The following ERBB2 variants were observed in gnomAD, a reference collection of about 807,000 sequenced individuals.
The protein encoded by ERBB2 is receptor tyrosine-protein kinase erbB-2.
Under a neutral mutation model 149.0 loss-of-function variants are expected in ERBB2, and 61 were observed. The ratio of observed to expected loss-of-function variants is 0.41; its 90% CI spans 0.33 to 0.51. ERBB2 has a LOEUF of 0.51. ERBB2 is among the 20% of genes least tolerant of loss of function. ERBB2 has a pLI of 0.25. For synonymous variants in ERBB2, 633 were observed against 678.8 expected (o/e 0.93, Z 1.05); for missense variants, 1,205 against 1,655.1 (o/e 0.73, Z 4.72).
In ERBB2 at chr17:39,709,341, A is replaced by T. The variant is rs2145471082; in HGVS notation, c.463A>T (p.Ile155Phe). ...LTEILKGGVL[I>F]QRNPQLCYQD... ...AGAGATCTTGAAAGGAGGGGTCTTG[A>T]TCCAGCGGAACCCCCAGCTCTGCTA... The change falls in exon 4 of 27, where the codon ATC (isoleucine) becomes TTC (phenylalanine). Residue 155 changes from isoleucine (I) to phenylalanine (F), a missense_variant. By Grantham distance (21) the Ile-to-Phe change is conservative (BLOSUM62 0). Around this residue, in one of 6 missense-constraint regions of ERBB2, gnomAD observed 569 missense variants for 803.5 expected, o/e 0.71. Transcript: ENST00000269571. 1 of 1,613,974 alleles carries T rather than the reference A, an allele frequency of 6.2e-7. No individual in the cohort carries two copies. Among genetic ancestry groups the T allele is most frequent in the Non-Finnish European group, 8.5e-7 (1 of 1,179,988 alleles).
At chr17:39,694,256 T>TATATATATGTGTATATATATATATATAC (rs2057795919), upstream of ERBB2, among the ~76,000 whole-genome samples, 1 of 21,412 alleles carries the variant, frequency 4.7e-5, no homozygotes, top group African/African-American at 1.2e-4. Flanking sequence ...TATATATATA[T>TATATATATGTGTATATATATATATATAC]ATATATATAT....
Position 39,726,586 on chromosome 17 carries a change from G to A in ERBB2, c.2897G>A (p.Arg966Gln), listed in dbSNP as rs755874371. ...GGTTGGATGATTGACTCTGAATGTC[G>A]GCCAAGATTCCGGGAGTTGGTGTCT... ...VKCWMIDSEC[R>Q]PRFRELVSEF... Residue 966 changes from arginine (R) to glutamine (Q), a missense_variant, in exon 24 of 27, where the codon CGG becomes CAG. By Grantham distance (43) the Arg-to-Gln change is conservative. Around this residue, in one of 6 missense-constraint regions of ERBB2, gnomAD observed 63 missense variants for 74.2 expected, o/e 0.85. Coordinates refer to ENST00000269571, the MANE Select transcript of ERBB2 (RefSeq NM_004448.4). The surrounding 1 kb of genome is among the most constrained non-coding windows in gnomAD (Gnocchi z 5.1). 3 of 1,614,126 alleles carry A rather than the reference G, an allele frequency of 1.9e-6. No individual in the cohort carries two copies. Among genetic ancestry groups the A allele is most frequent in the South Asian group, 1.1e-5 (1 of 91,078 alleles).
chr17:39,710,168 C>T lies in ERBB2; in HGVS notation c.726C>T (p.Ala242=), dbSNP rs1417153302. Residue 242 remains alanine, a synonymous_variant, in exon 6 of 27, where the codon GCC becomes GCT. Coordinates refer to ENST00000269571, the MANE Select transcript of ERBB2 (RefSeq NM_004448.4). ...PTDCCHEQCA[A]GCTGPKHSDC... is the part of the protein sequence containing the mutation. Reference sequence around the variant, plus strand: ...ACTGCTGCCATGAGCAGTGTGCTGCCGGCTGCACGGGCCCCAAGCACTCTG... The same window carrying T: ...ACTGCTGCCATGAGCAGTGTGCTGCTGGCTGCACGGGCCCCAAGCACTCTG... 13 of 1,612,744 alleles carry T rather than the reference C, an allele frequency of 8.1e-6. No individual in the cohort carries two copies. Among genetic ancestry groups the T allele is most frequent in the African/African-American group, 1.3e-5 (1 of 75,048 alleles).
rs71149796 is a variant in ERBB2, at chr17:39,724,272, A to ATTTTTTTTTTTTTTTTTT, written c.2307+278_2307+279insTTTTTTTTTTTTTTTTTT. ...TAGCTGGGATTACAAGCGCCCGCTA[A>ATTTTTTTTTTTTTTTTTT]TTTTTTTTTTTTTTTTGAGACAGAG... On this transcript the variant is annotated intron_variant, in intron 19 of 26. Coordinates refer to ENST00000269571, the MANE Select transcript of ERBB2 (RefSeq NM_004448.4). 3.1e-3 allele frequency among the ~76,000 whole-genome samples: 241 copies of ATTTTTTTTTTTTTTTTTT among 76,978 alleles called. 50 individuals are homozygous for ATTTTTTTTTTTTTTTTTT. Among genetic ancestry groups the ATTTTTTTTTTTTTTTTTT allele is most frequent in the African/African-American group, 8.6e-3 (188 of 21,932 alleles). The allele number at this position is 76,978 out of a possible 152,430, so 50.5% of individuals were successfully genotyped here.
At chr17:39,708,216 T>A in intron 2 of ERBB2, 105 bp from the exon 3 acceptor site, 2 of 767,650 alleles carry the variant, frequency 2.6e-6, no homozygotes, top group Non-Finnish European at 4.3e-6. Flanking sequence ...GACTGCTCAG[T>A]GGCTGGGGGC....
intron 16 of ERBB2, among the ~76,000 whole-genome samples, chr17:39,721,040 C>A (rs898055591): frequency 5.3e-5 from 8 of 152,140 alleles, no homozygotes; most frequent in Admixed American, 2.6e-4. Context: ...CTCACTGCAG[C>A]CTTGACCTCC....
intron 1 of ERBB2, among the ~76,000 whole-genome samples, chr17:39,705,387 T>A (rs2058366328): frequency 6.6e-6 from 1 of 152,278 alleles, no homozygotes; most frequent in South Asian, 2.1e-4. Context: ...GGGGAGGTCC[T>A]GGCAGCAGGG....
intron 19 of ERBB2, 150 bp downstream of exon 19, chr17:39,724,160 C>T (rs2059602826): frequency 3.3e-6 from 2 of 607,578 alleles, no homozygotes; most frequent in East Asian, 2.9e-5. Context: ...GCTCTGTCAC[C>T]CAGGCTGGAG....
rs2145799117 is a variant in ERBB2, at chr17:39,723,270, T to C, written c.1947-49T>C. 8.4e-7 allele frequency: 1 copy of C among 1,196,546 alleles called. No homozygotes were observed. The highest frequency in any genetic ancestry group is 1.2e-6 in the Non-Finnish European group (1 of 847,124). The allele number at this position is 1,196,546 out of a possible 1,614,324, so 74.1% of individuals were successfully genotyped here. A position where few individuals can be genotyped will look rare whatever the true frequency, so the allele number is the denominator to read the frequency against. On this transcript the variant is annotated intron_variant, in intron 16 of 26. Transcript: ENST00000269571. The surrounding 1 kb of genome is among the most constrained non-coding windows in gnomAD (Gnocchi z 6.2). The stretch of plus-strand genomic sequence containing the variant: ...GTCCCCCGTGGGCCCCCTTTGTCCC[T>C]CCCACCCCAAACTAGCCCTCAATCC...
At chr17:39,716,698 C>A in intron 14 of ERBB2, 93 bp downstream of exon 14, 1 of 1,127,608 alleles carries the variant, frequency 8.9e-7, no homozygotes, top group South Asian at 1.3e-5. Context: ...GTAGGGTGTG[C>A]TATCTGGTAA....
intron 2 of ERBB2, among the ~76,000 whole-genome samples, chr17:39,689,470 G>GT (rs948183886): frequency 2.1e-4 from 31 of 150,768 alleles, no homozygotes; most frequent in Non-Finnish European, 2.8e-4. Context: ...TTACAATACT[G>GT]TTTTTTTTTC....
At chr17:39,717,540 G>A (rs1384153649) in intron 15 of ERBB2, 60 bp downstream of exon 15, 1 of 1,449,336 alleles carries the variant, frequency 6.9e-7, no homozygotes, top group Non-Finnish European at 9.4e-7. Context: ...TCTTTCTGGG[G>A]CTCTTACTAT....
rs1357761791 is a variant in ERBB2, at chr17:39,707,105, C to G, written c.189C>G (p.Thr63=). ...CQVVQGNLEL[T]YLPTNASLSF... ...TGGTGCAGGGAAACCTGGAACTCAC[C>G]TACCTGCCCACCAATGCCAGCCTGT... Residue 63 remains threonine, a synonymous_variant, in exon 2 of 27, where the codon ACC becomes ACG. Coordinates refer to ENST00000269571, the MANE Select transcript of ERBB2 (RefSeq NM_004448.4). The G allele has an allele frequency of 1.9e-6, 3 of 1,601,704 alleles. No homozygotes were observed. The highest frequency in any genetic ancestry group is 1.7e-6 in the Non-Finnish European group (2 of 1,174,144).
rs2059820350 is a variant in ERBB2 at position 39,727,223 on chromosome 17, T to C, written c.3160-72T>C. Reference sequence around the variant, plus strand: ...GACCTCTGTTTTTCTCCTGTGACCCTGTCACCTTCCATGGAGTCCCCATCC... The same window carrying C: ...GACCTCTGTTTTTCTCCTGTGACCCCGTCACCTTCCATGGAGTCCCCATCC... On this transcript the variant is annotated intron_variant, in intron 25 of 26. Transcript: ENST00000269571. The surrounding 1 kb of genome is among the most constrained non-coding windows in gnomAD (Gnocchi z 4.3). 2 of 1,559,276 alleles carry C rather than the reference T, an allele frequency of 1.3e-6. No individual in the cohort carries two copies. Among genetic ancestry groups the C allele is most frequent in the Admixed American group, 3.8e-5 (2 of 52,402 alleles).
Position 39,716,319 on chromosome 17 carries a change from G to T in ERBB2, c.1532G>T (p.Cys511Phe). 1 of 1,598,538 alleles carries T rather than the reference G, an allele frequency of 6.3e-7. No individual in the cohort carries two copies. Among genetic ancestry groups the T allele is most frequent in the Non-Finnish European group, 8.5e-7 (1 of 1,174,140 alleles). ...EDECVGEGLACHQLCARGHCW... is the reference protein window; with the variant it reads ...EDECVGEGLAFHQLCARGHCW... ...ACTGCAGTGGGCGAGGGCCTGGCCTGCCACCAGCTGTGCGCCCGAGGGCAC... is the reference window on the plus strand; with the variant it reads ...ACTGCAGTGGGCGAGGGCCTGGCCTTCCACCAGCTGTGCGCCCGAGGGCAC... The change falls in exon 13 of 27, where the codon TGC becomes TTC. Residue 511 changes from cysteine (C) to phenylalanine (F), a missense_variant. By Grantham distance (205) the Cys-to-Phe change is radical. Coordinates refer to ENST00000269571, the MANE Select transcript of ERBB2 (RefSeq NM_004448.4).
upstream of ERBB2, chr17:39,700,019 G>C: frequency 1.6e-6 from 2 of 1,269,114 alleles, no homozygotes; most frequent in Non-Finnish European, 2.0e-6. Flanking sequence ...TGGAGGAGGA[G>C]GGCTGCTTGA....
rs751226373 is a variant in ERBB2, at chr17:39,724,769, G to A, written c.2351G>A (p.Arg784His). The change falls in exon 20 of 27, where the codon CGC becomes CAC. Residue 784 changes from arginine (R) to histidine (H), a missense_variant. Arg to His is a conservative substitution (Grantham distance 29). Transcript: ENST00000269571. ...MAGVGSPYVS[R>H]LLGICLTSTV... ...GGTGTGGGCTCCCCATATGTCTCCC[G>A]CCTTCTGGGCATCTGCCTGACATCC... 2.5e-6 allele frequency: 4 copies of A among 1,614,144 alleles called. No individual in the cohort carries two copies. Among genetic ancestry groups the A allele is most frequent in the South Asian group, 1.1e-5 (1 of 91,078 alleles).
rs202106955 is a variant in ERBB2 at position 39,727,597 on chromosome 17, C to T, written c.3412+50C>T. 378 of 1,577,938 alleles carry T rather than the reference C, an allele frequency of 2.4e-4. 5 individuals are homozygous for T. Among genetic ancestry groups the T allele is most frequent in the Non-Finnish European group, 1.2e-5 (14 of 1,168,790 alleles). ...AGACTGATGGGCAGGGGAGGTGGGA[C>T]CTTCAGCCCAGGGTCCACTGTGGGG... On this transcript the variant is annotated intron_variant, in intron 26 of 26. Coordinates refer to ENST00000269571, the MANE Select transcript of ERBB2 (RefSeq NM_004448.4). This position sits in a 1 kb window ranked among gnomAD's most constrained non-coding sequence, Gnocchi z 4.3.
intron 1 of ERBB2, among the ~76,000 whole-genome samples, chr17:39,704,054 G>C: frequency 6.6e-6 from 1 of 152,230 alleles, no homozygotes; most frequent in East Asian, 1.9e-4. Context: ...TCTGAGCAGA[G>C]AGATGGATTC....
Sources: allele counts gnomAD v4.1 joint callset (sites outside exome capture counted in the v4.1 genomes callset), GRCh38; gene constraint gnomAD v4.1.1; regional missense constraint gnomAD v4.1.1; non-coding constraint Gnocchi (gnomAD v3.1); transcripts MANE v1.5; gene names NCBI Gene and HGNC (gene_info 2026-07-23, HGNC 2026-07-21).